Variants in ATP13A3 observed in about 807,000 individuals in gnomAD.
ATP13A3 encodes polyamine-transporting ATPase 13A3.
In ATP13A3, 59 loss-of-function variants were observed where a neutral mutation model predicts 158.1. The observed-to-expected ratio is 0.37, with a 90% CI of 0.30 to 0.46. ATP13A3 has a LOEUF of 0.46. ATP13A3 is among the 20% of genes least tolerant of loss of function. The pLI, the probability that ATP13A3 is intolerant of heterozygous loss-of-function variation, is 1.00. For synonymous variants in ATP13A3, 491 were observed against 504.3 expected (o/e 0.97, Z 0.35); for missense variants, 1,166 against 1,525.2 (o/e 0.76, Z 3.92).
At chr3:194,456,033 T>G in intron 7 of ATP13A3, 71 bp from the exon 8 acceptor site, 1 of 931,946 alleles carries the variant, frequency 1.1e-6, no homozygotes, top group Non-Finnish European at 1.6e-6. Flanking sequence ...GGCATTGTAT[T>G]AGGTAAGGCT....
At chr3:194,476,391 T>C (rs1458571828) in intron 2 of ATP13A3, among the ~76,000 whole-genome samples, 1 of 152,178 alleles carries the variant, frequency 6.6e-6, no homozygotes, top group East Asian at 1.9e-4. Context: ...TAACACTCAA[T>C]AGGTTCATTT....
chr3:194,465,040 C>A (rs539170460), intron 2 of ATP13A3, among the ~76,000 whole-genome samples: 1 of 152,124 alleles, frequency 6.6e-6, no homozygotes, highest in Non-Finnish European at 1.5e-5. Flanking sequence ...CAAGTTGAGA[C>A]AAAAGGGATC....
intron 31 of ATP13A3, 169 bp downstream of exon 31, chr3:194,419,710 G>T (rs1716152329): frequency 2.3e-6 from 2 of 859,032 alleles, no homozygotes; most frequent in African/African-American, 1.8e-5. Context: ...GATTAAACAG[G>T]TATAGCTAAG....
rs762239826 is a variant in ATP13A3, at chr3:194,437,409, C to A, written c.1901G>T (p.Arg634Leu). Residue 634 changes from arginine (R) to leucine (L), a missense_variant, in exon 19 of 34, where the codon CGT (arginine) becomes CTT (leucine). This residue lies in a region of ATP13A3 where 997 missense variants were observed against 1,341.2 expected (regional missense o/e 0.74). Transcript: ENST00000645319. ...RQFPFSSALQ[R>L]MSVVARVLGD... is the part of the protein sequence containing the mutation. ...CAGCACCCTGGCAACCACACTCATACGTTGCAAAGCAGAAGAAAATGGGAA... is the reference window on the plus strand; with the variant it reads ...CAGCACCCTGGCAACCACACTCATAAGTTGCAAAGCAGAAGAAAATGGGAA... 1 of 1,614,160 alleles carries A rather than the reference C, an allele frequency of 6.2e-7. No homozygotes were observed. The highest frequency in any genetic ancestry group is 2.2e-5 in the East Asian group (1 of 44,880).
intron 3 of ATP13A3, among the ~76,000 whole-genome samples, chr3:194,461,745 C>T (rs889669018): frequency 5.9e-5 from 9 of 152,100 alleles, no homozygotes; most frequent in African/African-American, 9.7e-5. Flanking sequence ...ATCTTTCTGG[C>T]TCCCCCCAAC....
At chr3:194,465,258 C>G (rs369220808) in intron 2 of ATP13A3, among the ~76,000 whole-genome samples, 1 of 152,066 alleles carries the variant, frequency 6.6e-6, no homozygotes, top group African/African-American at 2.4e-5. Flanking sequence ...CAGCAGTTTC[C>G]CTGAGTTTGG....
chr3:194,443,775 G>C (rs1371543002), intron 15 of ATP13A3, among the ~76,000 whole-genome samples: 1 of 151,968 alleles, frequency 6.6e-6, no homozygotes, highest in African/African-American at 2.4e-5. Context: ...GCTTCAAAAA[G>C]CAACAGAAAC....
At chr3:194,481,643 C>T (rs73892211) in intron 2 of ATP13A3, among the ~76,000 whole-genome samples, 3,992 of 152,196 alleles carry the variant, frequency 0.026, 100 homozygotes, top group African/African-American at 0.069. Flanking sequence ...ATAAGAAAAA[C>T]TCACTGAGCT....
At chr3:194,483,161 G>A (rs540510114) in intron 2 of ATP13A3, among the ~76,000 whole-genome samples, 284 of 151,120 alleles carry the variant, frequency 1.9e-3, no homozygotes, top group African/African-American at 6.6e-3. Context: ...GCACACACCC[G>A]TTGTCCCAAC....
chr3:194,420,458 G>T (rs1716210938), intron 30 of ATP13A3: 1 of 152,292 alleles, frequency 6.6e-6, no homozygotes, highest in South Asian at 2.1e-4. Flanking sequence ...ATCCTAAATA[G>T]AGGCATTCTA....
chr3:194,459,842 T>C lies in ATP13A3; in HGVS notation c.355A>G (p.Thr119Ala), dbSNP rs1403371537. The C allele has an allele frequency of 2.5e-6, 4 of 1,613,526 alleles. No homozygotes were observed. Among genetic ancestry groups the C allele is most frequent in the Admixed American group, 1.7e-5 (1 of 60,008 alleles). ...GHAVCLIENP[T>A]EENRHRISKY... is the part of the protein sequence containing the mutation. ...CTGATCCTGTGCCTATTTTCTTCAGTGGGATTCTCAATTAAACAAACTGCA... is the reference window on the plus strand; with the variant it reads ...CTGATCCTGTGCCTATTTTCTTCAGCGGGATTCTCAATTAAACAAACTGCA... Residue 119 changes from threonine (T) to alanine (A), a missense_variant, in exon 5 of 34, where the codon ACT (threonine) becomes GCT (alanine). Coordinates refer to ENST00000645319, the MANE Select transcript of ATP13A3 (RefSeq NM_001367549.1).
At chr3:194,485,540 T>A (rs1458732226) in intron 2 of ATP13A3, among the ~76,000 whole-genome samples, 1 of 152,232 alleles carries the variant, frequency 6.6e-6, no homozygotes, top group Non-Finnish European at 1.5e-5. Flanking sequence ...TTTTAAAGGC[T>A]TTATTTTGCA....
At chr3:194,437,008 TACTC>T in intron 20 of ATP13A3, 83 bp downstream of exon 20, 17 of 1,419,826 alleles carry the variant, frequency 1.2e-5, no homozygotes, top group Non-Finnish European at 1.5e-5. Flanking sequence ...ATTCAATAAA[TACTC>T]AATTACATGC....
intron 3 of ATP13A3, among the ~76,000 whole-genome samples, chr3:194,461,259 T>C (rs1719639477): frequency 1.3e-5 from 2 of 152,202 alleles, no homozygotes; most frequent in Admixed American, 6.5e-5. Flanking sequence ...AAAAATATTA[T>C]GAAGTTCCTG....
At chr3:194,476,967 T>C (rs1346348437) in intron 2 of ATP13A3, among the ~76,000 whole-genome samples, 1 of 152,186 alleles carries the variant, frequency 6.6e-6, no homozygotes, top group Non-Finnish European at 1.5e-5. Flanking sequence ...TCCTACAGAC[T>C]CTGGCCCCGC....
chr3:194,407,218 C>A (rs2108692619), intron 33 of ATP13A3, among the ~76,000 whole-genome samples: 1 of 152,238 alleles, frequency 6.6e-6, no homozygotes, highest in Middle Eastern at 3.4e-3. Flanking sequence ...GTTGCTTCTC[C>A]AAAATGAAAT....
At chr3:194,417,989 G>A (rs148802904) in intron 31 of ATP13A3, among the ~76,000 whole-genome samples, 1,079 of 87,914 alleles carry the variant, frequency 0.012, 4 homozygotes, top group African/African-American at 0.048. Context: ...GGAAGGAAGG[G>A]AGGGAGGGAG....
At chr3:194,437,052 A>G in intron 20 of ATP13A3, 43 bp downstream of exon 20, 5 of 1,593,484 alleles carry the variant, frequency 3.1e-6, no homozygotes, top group Non-Finnish European at 4.3e-6. Flanking sequence ...ATATAACCAT[A>G]AATGATGATG....
In ATP13A3 at chr3:194,413,834, C is replaced by T. The variant is rs777987674; in HGVS notation, c.3408G>A (p.Val1136=). The T allele has an allele frequency of 1.5e-5, 24 of 1,613,078 alleles. No individual in the cohort carries two copies. The highest frequency in any genetic ancestry group is 2.0e-5 in the Non-Finnish European group (23 of 1,179,246). Residue 1136 remains valine (V), a synonymous_variant, in exon 32 of 34, where the codon GTG becomes GTA. Coordinates refer to ENST00000645319, the MANE Select transcript of ATP13A3 (RefSeq NM_001367549.1). ...TTACACGCCACTGATATGGTACACA[C>T]ACTATCTGTAATGCAAAAACATTTT... ...VASVDQVLQI[V]CVPYQWRVTM... is the part of the protein sequence containing the mutation.
Sources: gnomAD v4.1 joint callset for allele counts (sites outside exome capture counted in the v4.1 genomes callset) on GRCh38, gnomAD v4.1.1 for gene constraint, gnomAD v4.1.1 regional missense constraint, MANE v1.5 for transcripts, NCBI Gene and HGNC (gene_info 2026-07-23, HGNC 2026-07-21) for gene names.